Variants in NBAS observed in about 807,000 individuals in gnomAD.
The protein encoded by NBAS is NBAS subunit of NRZ tethering complex.
A neutral mutation model predicts 302.5 loss-of-function variants in NBAS; 219 were observed. That is an observed-to-expected ratio of 0.72 (90% CI 0.65 to 0.81). NBAS has a LOEUF of 0.81. Among genes scored for constraint, NBAS ranks in the 30% least tolerant of loss-of-function variants. The probability of loss-of-function intolerance (pLI) is 0.00; values close to 1 mark genes in which losing one functional copy is unlikely to be tolerated. For synonymous variants in NBAS, 1,118 were observed against 1,021.6 expected (o/e 1.09, Z -1.80); for missense variants, 2,932 against 2,841.6 (o/e 1.03, Z -0.72).
the NBAS span, among the ~76,000 whole-genome samples, chr2:15,160,585 C>CGGGGGG: frequency 4.3e-5 from 4 of 92,278 alleles, no homozygotes; most frequent in Admixed American, 3.4e-4. Flanking sequence ...CCAGTGTGGG[C>CGGGGGG]GGGGGGAGGG....
chr2:14,881,981 G>T, the NBAS span, among the ~76,000 whole-genome samples: 1 of 152,248 alleles, frequency 6.6e-6, no homozygotes, highest in South Asian at 2.1e-4. Flanking sequence ...GACAAAAATG[G>T]AAGAATAATG....
At chr2:15,529,771 T>C (rs998852621) in intron 9 of NBAS, among the ~76,000 whole-genome samples, 5 of 152,090 alleles carry the variant, frequency 3.3e-5, no homozygotes, top group African/African-American at 1.2e-4. Flanking sequence ...TTCAAGACAA[T>C]GTGAAGCTAG....
chr2:15,422,259 T>A (rs1572825266), intron 23 of NBAS, among the ~76,000 whole-genome samples: 3 of 152,218 alleles, frequency 2.0e-5, no homozygotes, highest in Admixed American at 2.0e-4. Context: ...TTTCACTAAG[T>A]AATAGGCATT....
At chr2:14,839,585 G>A in the NBAS span, among the ~76,000 whole-genome samples, 1 of 151,918 alleles carries the variant, frequency 6.6e-6, no homozygotes, top group Non-Finnish European at 1.5e-5. Context: ...TGGTCCCCTG[G>A]GCAAGAACTT....
At chr2:14,987,202 ATTAT>A in the NBAS span, among the ~76,000 whole-genome samples, 1 of 152,188 alleles carries the variant, frequency 6.6e-6, no homozygotes, top group African/African-American at 2.4e-5. Flanking sequence ...GAATATTCTG[ATTAT>A]TTAGAATAAA....
chr2:15,313,771 A>C (rs573718831), intron 38 of NBAS, among the ~76,000 whole-genome samples: 1 of 152,310 alleles, frequency 6.6e-6, no homozygotes, highest in South Asian at 2.1e-4. Flanking sequence ...ACTTCTTGAC[A>C]TCTGTTTCAA....
the NBAS span, among the ~76,000 whole-genome samples, chr2:14,940,366 A>G: frequency 3.3e-5 from 5 of 152,254 alleles, no homozygotes; most frequent in South Asian, 1.0e-3. Context: ...TGCTCCAGTC[A>G]TGTGACATGT....
At chr2:14,891,047 G>C in the NBAS span, among the ~76,000 whole-genome samples, 2 of 152,182 alleles carry the variant, frequency 1.3e-5, no homozygotes, top group Admixed American at 6.5e-5. Flanking sequence ...TAGTCCCAGA[G>C]AGATTTGAAG....
At position 15,328,248 on chromosome 2, in the gene NBAS, C is replaced by A. The variant is rs1434865968; in HGVS notation, c.4412G>T (p.Gly1471Val). ...TTANEDLEKQGCHPFYESVIS... is the reference protein window; with the variant it reads ...TTANEDLEKQVCHPFYESVIS... ...GACAGATTCATAAAAAGGATGACAC[C>A]CTTGTTTCTCTAGATCTTCATTGGC... is the stretch of plus-strand genomic sequence containing the variant. Residue 1471 changes from glycine (G) to valine (V), a missense_variant, in exon 37 of 52, where the codon GGG becomes GTG. Transcript: ENST00000281513. 9 of 1,613,726 alleles carry A rather than the reference C, an allele frequency of 5.6e-6. No homozygotes were observed.
chr2:15,304,387 T>C (rs1010192553), intron 40 of NBAS, among the ~76,000 whole-genome samples: 1 of 152,178 alleles, frequency 6.6e-6, no homozygotes, highest in African/African-American at 2.4e-5. Flanking sequence ...CTCTTTCAAG[T>C]CTCAGGTAGT....
the NBAS span, among the ~76,000 whole-genome samples, chr2:14,969,160 A>T: frequency 0.012 from 1,846 of 152,214 alleles, 17 homozygotes; most frequent in South Asian, 0.022. Context: ...TTCTACAGAG[A>T]CAGAAAGTAG....
At chr2:14,988,556 A>G in the NBAS span, among the ~76,000 whole-genome samples, 1 of 152,192 alleles carries the variant, frequency 6.6e-6, no homozygotes, top group Non-Finnish European at 1.5e-5. Context: ...CATAGTTCCA[A>G]TGACAACCAA....
At chr2:14,800,687 T>A in the NBAS span, among the ~76,000 whole-genome samples, 4 of 152,148 alleles carry the variant, frequency 2.6e-5, no homozygotes, top group Non-Finnish European at 5.9e-5. Flanking sequence ...CTTTCTTCCC[T>A]CCTGTTTTCA....
chr2:15,084,690 G>T, the NBAS span, among the ~76,000 whole-genome samples: 5 of 148,832 alleles, frequency 3.4e-5, no homozygotes, highest in Non-Finnish European at 7.4e-5. Context: ...GGCGGGGCGG[G>T]GGGGGTTCCT....
chr2:15,317,874 T>A, intron 38 of NBAS, among the ~76,000 whole-genome samples: 1 of 152,110 alleles, frequency 6.6e-6, no homozygotes, highest in East Asian at 1.9e-4. Context: ...CAGGCTAACA[T>A]TCAAATTCAG....
the NBAS span, among the ~76,000 whole-genome samples, chr2:14,997,487 T>C: frequency 2.6e-5 from 4 of 151,844 alleles, no homozygotes; most frequent in African/African-American, 9.7e-5. Context: ...CCAAGCTTTA[T>C]TGAGGTATAA....
At chr2:15,184,587 G>T (rs1664988366) in intron 50 of NBAS, among the ~76,000 whole-genome samples, 1 of 152,194 alleles carries the variant, frequency 6.6e-6, no homozygotes. Context: ...TGATACGACA[G>T]GAGGTGGAAC....
At chr2:15,439,514 G>A (rs1221674917) in intron 21 of NBAS, among the ~76,000 whole-genome samples, 1 of 152,004 alleles carries the variant, frequency 6.6e-6, no homozygotes, top group African/African-American at 2.4e-5. Context: ...GAGGAGCCAA[G>A]ATGGCTGAAC....
the NBAS span, among the ~76,000 whole-genome samples, chr2:14,785,692 C>T: frequency 1.7e-4 from 26 of 152,174 alleles, no homozygotes; most frequent in Admixed American, 1.2e-3. Context: ...GGTGGATAAG[C>T]TTTTTGATGT....
Sources: gnomAD v4.1 joint callset for allele counts (sites outside exome capture counted in the v4.1 genomes callset) on GRCh38, gnomAD v4.1.1 for gene constraint, MANE v1.5 for transcripts, NCBI Gene and HGNC (gene_info 2026-07-23, HGNC 2026-07-21) for gene names.